The following ALG1L2 variants were observed in gnomAD, a reference collection of about 807,000 sequenced individuals.
ALG1L2 encodes ALG1 chitobiosyldiphosphodolichol beta-mannosyltransferase like 2, also known as putative glycosyltransferase ALG1L2.
ALG1L2 carries 32 observed loss-of-function variants against 29.0 expected under a neutral mutation model. That is an observed-to-expected ratio of 1.10 (90% CI 0.83 to 1.48). The LOEUF is 1.48. ALG1L2 is among the 40% of genes most tolerant of loss of function. The probability of loss-of-function intolerance (pLI) is 0.00; values close to 1 mark genes in which losing one functional copy is unlikely to be tolerated. For synonymous variants in ALG1L2, 110 were observed against 109.5 expected, an observed-to-expected ratio of 1.00 and a Z score of -0.03; for missense variants, 318 against 274.1, an observed-to-expected ratio of 1.16 and a Z score of -1.13.
At chr3:130,084,353 G>A (rs1934847178) in intron 1 of ALG1L2, among the ~76,000 whole-genome samples, 1 of 149,106 alleles carries the variant, frequency 6.7e-6, no homozygotes, top group South Asian at 2.1e-4. Flanking sequence ...CAGCAAAGAA[G>A]GCCTCATAAA....
At chr3:130,094,011 C>T (rs1159312238) in intron 4 of ALG1L2, 5 of 280,478 alleles carry the variant, frequency 1.8e-5, no homozygotes, top group African/African-American at 1.1e-4. Context: ...TGTGGCAGGG[C>T]AGGGGCGGCT....
At chr3:130,097,576 G>C (rs1411086619) in intron 7 of ALG1L2, among the ~76,000 whole-genome samples, 1 of 152,208 alleles carries the variant, frequency 6.6e-6, no homozygotes, top group East Asian at 1.9e-4. Flanking sequence ...GGAACTTCTG[G>C]GACCAGCCTT....
At chr3:130,090,829 C>T (rs1934999666) in intron 1 of ALG1L2, 1 of 173,640 alleles carries the variant, frequency 5.8e-6, no homozygotes, top group Non-Finnish European at 1.2e-5. Context: ...CTGTGGAAGG[C>T]TGCAGTTTGG....
intron 1 of ALG1L2, among the ~76,000 whole-genome samples, chr3:130,082,280 G>A (rs1433053264): frequency 2.2e-5 from 3 of 138,196 alleles, no homozygotes; most frequent in East Asian, 2.0e-4. Flanking sequence ...GAGGGACCCC[G>A]AGCTTGGCTT....
intron 1 of ALG1L2, among the ~76,000 whole-genome samples, chr3:130,089,752 A>T (rs1934970866): frequency 6.6e-6 from 1 of 152,310 alleles, no homozygotes; most frequent in Admixed American, 6.5e-5. Flanking sequence ...TTAAAATTAA[A>T]TTGAAGGGCC....
At chr3:130,091,227 C>T in intron 1 of ALG1L2, 34 bp from the exon 2 acceptor site, 1 of 1,586,098 alleles carries the variant, frequency 6.3e-7, no homozygotes, top group Non-Finnish European at 8.6e-7. Flanking sequence ...CCATGCTGGA[C>T]TAATGCAATA....
At chr3:130,090,251 G>C (rs973403125) in intron 1 of ALG1L2, among the ~76,000 whole-genome samples, 1 of 152,304 alleles carries the variant, frequency 6.6e-6, no homozygotes, top group South Asian at 2.1e-4. Flanking sequence ...AGCTACTCCG[G>C]AGGCTGAGGC....
In ALG1L2 at chr3:130,082,126, A is replaced by G. The variant is rs368666369; in HGVS notation, c.20+90A>G. On this transcript the variant is annotated intron_variant, in intron 1 of 7. Transcript: ENST00000425059. ...ATAGACTGGAGAGACCCTTGAAGAAATCAGGGTACAGGCAGTCCTCCGGAG... is the reference window on the plus strand; with the variant it reads ...ATAGACTGGAGAGACCCTTGAAGAAGTCAGGGTACAGGCAGTCCTCCGGAG... The G allele has an allele frequency of 3.7e-4, 523 of 1,424,926 alleles. 2 individuals are homozygous for G. In the South Asian group the frequency reaches 5.7e-3, roughly 15 times the overall value. 88.3% of individuals were successfully genotyped at this position (1,424,926 alleles called of 1,614,324 possible).
rs192563572 is a variant in ALG1L2 at position 130,084,424 on chromosome 3, G to A, written c.20+2388G>A. Among the ~76,000 whole-genome samples, 731 of 148,092 alleles carry A rather than the reference G, an allele frequency of 4.9e-3. 3 individuals are homozygous for A. Among genetic ancestry groups the A allele is most frequent in the Middle Eastern group, 0.011 (3 of 276 alleles). On this transcript the variant is annotated intron_variant, in intron 1 of 7. Coordinates refer to ENST00000425059, the MANE Select transcript of ALG1L2 (RefSeq NM_001136152.1). ...GAGGGAAGGTGACAGCCAGAAGCAG[G>A]CATGAGAGGTTCCCTAGAGTGGGGT... is the stretch of plus-strand genomic sequence containing the variant.
In ALG1L2 at chr3:130,083,550, A is replaced by G. The variant is rs1934830354; in HGVS notation, c.20+1514A>G. On this transcript the variant is annotated intron_variant, in intron 1 of 7. Transcript: ENST00000425059. ...AAATGCCACATACAAAGTACAAATT[A>G]CGTCATTTCTGTGATTCCACATTTG... Among the ~76,000 whole-genome samples, 2 of 131,232 alleles carry G rather than the reference A, an allele frequency of 1.5e-5. 1 individual carries two copies. Among genetic ancestry groups the G allele is most frequent in the Non-Finnish European group, 3.5e-5 (2 of 56,576 alleles). The allele number at this position is 131,232 out of a possible 152,430, so 86.1% of individuals were successfully genotyped here.
chr3:130,095,927 G>T (rs376585123), intron 5 of ALG1L2, 122 bp from the exon 6 acceptor site: 1 of 1,016,444 alleles, frequency 9.8e-7, no homozygotes. Flanking sequence ...CTTGTGGTTG[G>T]GGATGTCGGG....
At chr3:130,082,416 C>A (rs1238339784) in intron 1 of ALG1L2, among the ~76,000 whole-genome samples, 1 of 132,350 alleles carries the variant, frequency 7.6e-6, no homozygotes, top group East Asian at 2.1e-4. Flanking sequence ...CGGCTTACTG[C>A]GACCTCCACC....
In ALG1L2 at chr3:130,096,607, T is replaced by C. The variant is rs367950821; in HGVS notation, c.539+444T>C. On this transcript the variant is annotated intron_variant, in intron 6 of 7. Coordinates refer to ENST00000425059, the MANE Select transcript of ALG1L2 (RefSeq NM_001136152.1). Reference sequence around the variant, plus strand: ...ACGTGGTGGGTTTGAATCAGTTAAATGAGTGTCATGCTGTGGCCTCACTCC... The same window carrying C: ...ACGTGGTGGGTTTGAATCAGTTAAACGAGTGTCATGCTGTGGCCTCACTCC... Among the ~76,000 whole-genome samples, 165 of 152,220 alleles carry C rather than the reference T, an allele frequency of 1.1e-3. 1 individual carries two copies. The highest frequency in any genetic ancestry group is 5.0e-3 in the East Asian group (26 of 5,180).
intron 4 of ALG1L2, chr3:130,093,865 G>A: frequency 6.0e-6 from 1 of 165,340 alleles, no homozygotes; most frequent in Non-Finnish European, 1.3e-5. Flanking sequence ...GCGGGGTCTG[G>A]GCCAGCTGCT....
Position 130,096,034 on chromosome 3 carries a change from C to A in ALG1L2, c.425-15C>A, listed in dbSNP as rs753929187. The A allele has an allele frequency of 1.9e-6, 3 of 1,603,992 alleles. No homozygotes were observed. The highest frequency in any genetic ancestry group is 1.3e-5 in the African/African-American group (1 of 74,756). On this transcript the variant is annotated splice_polypyrimidine_tract_variant and intron_variant, in intron 5 of 7. Transcript: ENST00000425059. Reference sequence around the variant, plus strand: ...CAGAGACCAGCGCTCTGGCCACACCCCTCTTGCCTAGCAGGGTCGGTGGAC... The same window carrying A: ...CAGAGACCAGCGCTCTGGCCACACCACTCTTGCCTAGCAGGGTCGGTGGAC...
At chr3:130,083,762 C>G (rs1436831083) in intron 1 of ALG1L2, among the ~76,000 whole-genome samples, 8 of 132,806 alleles carry the variant, frequency 6.0e-5, no homozygotes. Flanking sequence ...GTTAATACTT[C>G]AGCAGTGCTT....
Position 130,097,463 on chromosome 3 carries a change from C to T in ALG1L2, c.615+213C>T, listed in dbSNP as rs537228799. ...TAAAGTTAGGACACAACCCCACCTG[C>T]CCTCTAGATTTATGGAGCTGAGACT... is the stretch of plus-strand genomic sequence containing the variant. On this transcript the variant is annotated intron_variant, in intron 7 of 7. Transcript: ENST00000425059. Among the ~76,000 whole-genome samples the T allele has an allele frequency of 4.6e-5, 7 of 152,318 alleles. No individual in the cohort carries two copies. The South Asian group carries it at 1.2e-3, about 27-fold the overall frequency.
chr3:130,088,964 G>A (rs897424199), intron 1 of ALG1L2, among the ~76,000 whole-genome samples: 1 of 152,298 alleles, frequency 6.6e-6, no homozygotes, highest in Non-Finnish European at 1.5e-5. Context: ...AAATGGAGTT[G>A]TCACAGGATG....
rs1189579650 is a variant in ALG1L2 at position 130,087,584 on chromosome 3, G to A, written c.21-3677G>A. 2.8e-5 allele frequency among the ~76,000 whole-genome samples: 4 copies of A among 142,236 alleles called. No individual in the cohort carries two copies. The Admixed American group carries it at 2.9e-4, about 10-fold the overall frequency. The allele number at this position is 142,236 out of a possible 152,430, so 93.3% of individuals were successfully genotyped here. A position where few individuals can be genotyped will look rare whatever the true frequency, so the allele number is the denominator to read the frequency against. Reference sequence around the variant, plus strand: ...TATAAGAGAAAGTCCTTGTTATTAAGGAATACACAGGAATATTTAGGGGTA... The same window carrying A: ...TATAAGAGAAAGTCCTTGTTATTAAAGAATACACAGGAATATTTAGGGGTA... On this transcript the variant is annotated intron_variant, in intron 1 of 7. Coordinates refer to ENST00000425059, the MANE Select transcript of ALG1L2 (RefSeq NM_001136152.1).
Sources: allele counts gnomAD v4.1 joint callset (sites outside exome capture counted in the v4.1 genomes callset), GRCh38; gene constraint gnomAD v4.1.1; transcripts MANE v1.5; gene names NCBI Gene and HGNC (gene_info 2026-07-23, HGNC 2026-07-21).